The following B9D1 variants were observed in gnomAD, a reference collection of about 807,000 sequenced individuals.
B9D1 encodes the protein B9 domain containing 1, also known as B9 domain-containing protein 1.
Under a neutral mutation model 26.1 loss-of-function variants are expected in B9D1, and 20 were observed. That is an observed-to-expected ratio of 0.77 (90% CI 0.54 to 1.12). The LOEUF (loss-of-function observed/expected upper bound fraction) is 1.12. Ranked by LOEUF, B9D1 falls within the 50% of genes most tolerant of loss-of-function variation. The pLI, the probability that B9D1 is intolerant of heterozygous loss-of-function variation, is 0.00. For missense variants in B9D1, 260 were observed against 273.7 expected (o/e 0.95, Z 0.35); for synonymous variants, 105 against 103.1 (o/e 1.02, Z -0.11).
intron 1 of B9D1, among the ~76,000 whole-genome samples, chr17:19,375,056 G>A (rs1344609590): frequency 1.3e-5 from 2 of 152,170 alleles, no homozygotes; most frequent in East Asian, 3.9e-4. Flanking sequence ...TTGGGAGGCT[G>A]ACGTAGGCCG....
At chr17:19,335,966 A>T (rs765011652), downstream of B9D1, 53 of 152,772 alleles carry the variant, frequency 3.5e-4, no homozygotes, top group Non-Finnish European at 7.5e-4. Flanking sequence ...TCTCACCTCT[A>T]GCTCTAAGGG....
upstream of B9D1, chr17:19,364,349 C>T (rs2049968040): frequency 6.6e-6 from 1 of 152,214 alleles, no homozygotes; most frequent in Admixed American, 6.5e-5. The surrounding 1 kb of genome is among the most constrained non-coding windows in gnomAD (Gnocchi z 4.3). Flanking sequence ...CTAACTTTAA[C>T]AAGTCTAGTG....
chr17:19,373,043 G>T (rs1017901057), intron 1 of B9D1, among the ~76,000 whole-genome samples: 1 of 152,108 alleles, frequency 6.6e-6, no homozygotes, highest in African/African-American at 2.4e-5. Flanking sequence ...ACTTCCAGAG[G>T]TGGACAGGTG....
chr17:19,357,307 T>G (rs558034055), intron 3 of B9D1, among the ~76,000 whole-genome samples: 1 of 152,320 alleles, frequency 6.6e-6, no homozygotes, highest in Non-Finnish European at 1.5e-5. Flanking sequence ...TCAGAATGGT[T>G]AATAACCACC....
chr17:19,337,968 G>C (rs1002334793), downstream of B9D1, among the ~76,000 whole-genome samples: 4 of 152,232 alleles, frequency 2.6e-5, no homozygotes, highest in Admixed American at 1.3e-4. Flanking sequence ...ACAGCGGACT[G>C]TCTGGCTCCC....
chr17:19,339,321 C>A (rs184075353), downstream of B9D1, among the ~76,000 whole-genome samples: 40 of 152,248 alleles, frequency 2.6e-4, no homozygotes, highest in Admixed American at 1.2e-3. Context: ...CCAACTCACA[C>A]TGCACATCCT....
intron 3 of B9D1, among the ~76,000 whole-genome samples, chr17:19,356,619 G>GT (rs1910394068): frequency 1.3e-5 from 2 of 152,242 alleles, no homozygotes; most frequent in South Asian, 2.1e-4. Context: ...CTGAACATCA[G>GT]TTTTTTTGTG....
downstream of B9D1, chr17:19,340,826 G>A (rs1907893788): frequency 7.0e-6 from 1 of 141,912 alleles, no homozygotes; most frequent in Admixed American, 7.1e-5. Flanking sequence ...TACGCATTTT[G>A]TTGTACGTAA....
At chr17:19,354,732 G>C (rs1204244707) in intron 3 of B9D1, among the ~76,000 whole-genome samples, 1 of 152,202 alleles carries the variant, frequency 6.6e-6, no homozygotes, top group Non-Finnish European at 1.5e-5. Context: ...AGGAGGCTGA[G>C]GCGGAGAATT....
chr17:19,366,943 G>T (rs999518784), upstream of B9D1, among the ~76,000 whole-genome samples: 7 of 152,266 alleles, frequency 4.6e-5, no homozygotes, highest in East Asian at 1.4e-3. Context: ...AAAGAGAGAG[G>T]CAGACAAATC....
downstream of B9D1, among the ~76,000 whole-genome samples, chr17:19,340,033 A>ACCCCCCCCCCCCC (rs56279237): frequency 2.7e-5 from 3 of 110,544 alleles, no homozygotes; most frequent in East Asian, 1.0e-3. Context: ...CACATGCCCA[A>ACCCCCCCCCCCCC]CCCCCCCCCC....
At chr17:19,336,887 G>C (rs1482058250), downstream of B9D1, among the ~76,000 whole-genome samples, 3 of 152,206 alleles carry the variant, frequency 2.0e-5, no homozygotes, top group African/African-American at 7.2e-5. Flanking sequence ...CTGAACCTCA[G>C]GGAAAGGGGG....
At position 19,357,921 on chromosome 17, in the gene B9D1, A is replaced by T; in HGVS notation, c.163T>A (p.Ser55Thr). The change falls in exon 3 of 7, where the codon TCC becomes ACC. Residue 55 changes from serine to threonine, a missense_variant. Coordinates refer to ENST00000261499, the MANE Select transcript of B9D1 (RefSeq NM_015681.6). ...GCTTGCCGCACATCTTGGCTCTTGG[A>T]TGTGATCTGTGAGATCCCCTCCTCC... ...GLEEGISQIT[S>T]KSQDVRQALV... 1 of 1,614,090 alleles carries T rather than the reference A, an allele frequency of 6.2e-7. No individual in the cohort carries two copies. Among genetic ancestry groups the T allele is most frequent in the South Asian group, 1.1e-5 (1 of 91,080 alleles).
intron 1 of B9D1, among the ~76,000 whole-genome samples, chr17:19,377,336 A>C (rs1912186430): frequency 6.6e-6 from 1 of 152,238 alleles, no homozygotes; most frequent in South Asian, 2.1e-4. Flanking sequence ...ATACCAAAAA[A>C]CACTGAATTG....
chr17:19,340,193 T>C (rs1009417520), downstream of B9D1, among the ~76,000 whole-genome samples: 2 of 152,068 alleles, frequency 1.3e-5, no homozygotes, highest in African/African-American at 4.8e-5. Context: ...TTTTTTGAGA[T>C]GGAGTCTCCC....
Position 19,377,693 on chromosome 17 carries a change from A to C in B9D1, c.-298+166T>G, listed in dbSNP as rs3866958. The C allele has an allele frequency of 0.93, 241,141 of 260,162 alleles. 113,251 individuals are homozygous for C. The highest frequency in any genetic ancestry group is 0.99 in the Non-Finnish European group (164,914 of 166,678). The allele number at this position is 260,162 out of a possible 1,614,324, so 16.1% of individuals were successfully genotyped here. A position where few individuals can be genotyped will look rare whatever the true frequency, so the allele number is the denominator to read the frequency against. On this transcript the variant is annotated intron_variant, in intron 1 of 5. Coordinates refer to the B9D1 transcript ENST00000477478. ...ACATTTGCTACATGAATGAACGAAT[A>C]AACTATCGGATTTTGGGGTGGGTCG...
At chr17:19,356,759 C>A (rs1422884117) in intron 3 of B9D1, among the ~76,000 whole-genome samples, 1 of 152,192 alleles carries the variant, frequency 6.6e-6, no homozygotes, top group Admixed American at 6.5e-5. Context: ...TGGATCTTGC[C>A]TGGTAAATCT....
intron 3 of B9D1, among the ~76,000 whole-genome samples, chr17:19,356,300 C>T (rs901526140): frequency 1.3e-5 from 2 of 152,170 alleles, no homozygotes; most frequent in African/African-American, 4.8e-5. Context: ...CCATATTGCC[C>T]AGGCTGGTCT....
downstream of B9D1, among the ~76,000 whole-genome samples, chr17:19,342,711 C>T (rs1908111087): frequency 6.6e-6 from 1 of 152,134 alleles, no homozygotes; most frequent in Non-Finnish European, 1.5e-5. Context: ...AGCGGCCTCC[C>T]ACCTCTGAGA....
Sources: gnomAD v4.1 joint callset for allele counts (sites outside exome capture counted in the v4.1 genomes callset) on GRCh38, gnomAD v4.1.1 for gene constraint, Gnocchi (gnomAD v3.1) non-coding constraint, MANE v1.5 for transcripts, NCBI Gene and HGNC (gene_info 2026-07-23, HGNC 2026-07-21) for gene names.